Variants in IL32 observed in about 807,000 individuals in gnomAD.
The protein encoded by IL32 is interleukin 32, also known as interleukin-32.
A neutral mutation model predicts 16.6 loss-of-function variants in IL32; 30 were observed. That is an observed-to-expected ratio of 1.81 (90% CI 1.35 to 2.45). The LOEUF is 2.45. Ranked by LOEUF, IL32 falls within the 30% of genes most tolerant of loss-of-function variation. IL32 has a pLI of 0.00. For synonymous variants in IL32, 70 were observed against 86.1 expected, an observed-to-expected ratio of 0.81 and a Z score of 1.03; for missense variants, 234 against 229.8, an observed-to-expected ratio of 1.02 and a Z score of -0.12.
chr16:3,067,679 G>A (rs774315939), intron 4 of IL32, 66 bp downstream of exon 4: 66 of 1,229,722 alleles, frequency 5.4e-5, no homozygotes, highest in Admixed American at 1.9e-4. Flanking sequence ...ACCCTGTGTG[G>A]GGCTCAGGGT....
chr16:3,067,400 G>C lies in IL32; in HGVS notation c.39G>C (p.Lys13Asn). The C allele has an allele frequency of 6.4e-7, 1 of 1,564,024 alleles. No individual in the cohort carries two copies. Among genetic ancestry groups the C allele is most frequent in the South Asian group, 1.2e-5 (1 of 84,230 alleles). ...FPKVLSDDMKKLKARMHQAIE... is the reference protein window; with the variant it reads ...FPKVLSDDMKNLKARMHQAIE... Reference sequence around the variant, plus strand: ...AGGTCCTCTCTGATGACATGAAGAAGCTGAAGGCCCGAATGGTAATGCTCC... The same window carrying C: ...AGGTCCTCTCTGATGACATGAAGAACCTGAAGGCCCGAATGGTAATGCTCC... Residue 13 changes from lysine to asparagine, a missense_variant, in exon 3 of 7, where the codon AAG becomes AAC. Coordinates refer to ENST00000525643, the MANE Select transcript of IL32 (RefSeq NM_001376923.1).
chr16:3,067,271 C>CTGTGTGTGTGTGTG (rs60859102), intron 2 of IL32, 106 bp from the exon 3 acceptor site: 9,983 of 600,536 alleles, frequency 0.017, 65 homozygotes, highest in Middle Eastern at 0.028. Flanking sequence ...CCATGTGTCT[C>CTGTGTGTGTGTGTG]TGTGTGTGTG....
Position 3,067,377 on chromosome 16 carries a change from G to A in IL32, c.16G>A (p.Val6Ile), listed in dbSNP as rs114354531. Residue 6 changes from valine to isoleucine, a missense_variant and splice_region_variant, in exon 3 of 7, where the codon GTC (valine) becomes ATC (isoleucine). This residue lies in a region of IL32 where 137 missense variants were observed against 80.7 expected (regional missense o/e 1.70). Transcript: ENST00000525643. MCFPK[V>I]LSDDMKKLKA... is the part of the protein sequence containing the mutation. The stretch of plus-strand genomic sequence containing the variant: ...CTGAGTGTCACCGTTATTTCCGCAG[G>A]TCCTCTCTGATGACATGAAGAAGCT... 2,060 of 1,538,538 alleles carry A rather than the reference G, an allele frequency of 1.3e-3. 30 individuals are homozygous for A. In the African/African-American group the frequency reaches 0.025, roughly 19 times the overall value.
At position 3,065,843 on chromosome 16, in the gene IL32, G is replaced by A. The variant is rs374370998; in HGVS notation, c.15+17G>A. 72 of 1,614,052 alleles carry A rather than the reference G, an allele frequency of 4.5e-5. No homozygotes were observed. Among genetic ancestry groups the A allele is most frequent in the African/African-American group, 2.0e-4 (15 of 75,054 alleles). ...TTCCCGAAGGTGAGTGAGAGGCTGC[G>A]TGTGCTTTTGTGGGCATGTCTGAAA... On this transcript the variant is annotated intron_variant, in intron 2 of 6. Transcript: ENST00000525643.
rs1192560398 is a variant in IL32 at position 3,067,980 on chromosome 16, A to C, written c.115-4A>C. On this transcript the variant is annotated splice_polypyrimidine_tract_variant and splice_region_variant and intron_variant, in intron 4 of 6. Coordinates refer to ENST00000525643, the MANE Select transcript of IL32 (RefSeq NM_001376923.1). ...CCTGGAACCGAGTGCTTTGTTCCTA[A>C]CAGGTGATGTCGAGCCTGGCAGAGC... 6.2e-7 allele frequency: 1 copy of C among 1,614,086 alleles called. No homozygotes were observed. Among genetic ancestry groups the C allele is most frequent in the East Asian group, 2.2e-5 (1 of 44,864 alleles).
chr16:3,068,142 A>C, intron 5 of IL32, 38 bp from the exon 6 acceptor site: 1 of 1,603,834 alleles, frequency 6.2e-7, no homozygotes, highest in Non-Finnish European at 8.5e-7. Context: ...GGGGGCAGGC[A>C]GGAGCAGCAT....
intron 3 of IL32, 50 bp from the exon 4 acceptor site, chr16:3,067,504 G>C: frequency 3.1e-6 from 5 of 1,614,008 alleles, no homozygotes; most frequent in Non-Finnish European, 4.2e-6. Context: ...CTGGGACCCT[G>C]GAGGGACAAG....
At position 3,067,159 on chromosome 16, in the gene IL32, G is replaced by T. The variant is rs1956432379; in HGVS notation, c.16-218G>T. 2.0e-5 allele frequency among the ~76,000 whole-genome samples: 3 copies of T among 152,092 alleles called. No individual in the cohort carries two copies. The South Asian group carries it at 6.2e-4, about 32-fold the overall frequency. On this transcript the variant is annotated intron_variant, in intron 2 of 6. Transcript: ENST00000525643. ...GGCCTGCCCAGCTGAGCCGGCTCCTGAGAGAAGCGCTTTCTGAGTCGTTTC... is the reference window on the plus strand; with the variant it reads ...GGCCTGCCCAGCTGAGCCGGCTCCTTAGAGAAGCGCTTTCTGAGTCGTTTC...
chr16:3,068,161 T>G lies in IL32; in HGVS notation c.142-19T>G, dbSNP rs765731790. 1.2e-6 allele frequency: 2 copies of G among 1,603,944 alleles called. No homozygotes were observed. Among genetic ancestry groups the G allele is most frequent in the African/African-American group, 2.7e-5 (2 of 74,658 alleles). On this transcript the variant is annotated intron_variant, in intron 5 of 6. Coordinates refer to ENST00000525643, the MANE Select transcript of IL32 (RefSeq NM_001376923.1). ...GCAGGCAGGAGCAGCATGAACCCCC[T>G]GTGCCCTCCTCTCCCCAGGACGACT...
In IL32 at chr16:3,068,016, C is replaced by T. The variant is rs1431074695; in HGVS notation, c.141+6C>T. ...CGAGCCTGGCAGAGCTGGAGGTGAG[C>T]CGTGGCCTCCCCCTCCACCAAGCTT... On this transcript the variant is annotated splice_donor_region_variant and intron_variant, in intron 5 of 6. Coordinates refer to ENST00000525643, the MANE Select transcript of IL32 (RefSeq NM_001376923.1). 1.9e-6 allele frequency: 3 copies of T among 1,613,882 alleles called. No homozygotes were observed. Among genetic ancestry groups the T allele is most frequent in the Non-Finnish European group, 2.5e-6 (3 of 1,179,818 alleles).
At chr16:3,068,535 A>C (rs2283468) in intron 6 of IL32, 247,315 of 440,128 alleles carry the variant, frequency 0.56, 72,537 homozygotes, top group Non-Finnish European at 0.63. Context: ...CTGGTCTTGA[A>C]CTCCTAACCT....
At chr16:3,068,110 CCAGTGGGGGCCA>C in intron 5 of IL32, 58 bp from the exon 6 acceptor site, 1 of 1,600,826 alleles carries the variant, frequency 6.2e-7, no homozygotes, top group Non-Finnish European at 8.6e-7. Flanking sequence ...ATCACCTGGA[CCAGTGGGGGCCA>C]CAGTGGGAAG....
At chr16:3,067,939 G>T in intron 4 of IL32, 45 bp from the exon 5 acceptor site, 1 of 1,610,716 alleles carries the variant, frequency 6.2e-7, no homozygotes, top group Non-Finnish European at 8.5e-7. Context: ...GATGTGGGGT[G>T]CAGAGGAGGC....
intron 6 of IL32, chr16:3,068,475 T>G: frequency 1.9e-6 from 1 of 538,726 alleles, no homozygotes; most frequent in Non-Finnish European, 3.3e-6. Context: ...CAGGCTGATT[T>G]TTTTTGTGTG....
chr16:3,067,291 G>GTGTT (rs1031232824), intron 2 of IL32, 86 bp from the exon 3 acceptor site: 2 of 663,940 alleles, frequency 3.0e-6, no homozygotes, highest in African/African-American at 3.6e-5. Context: ...GTGTGTGTGT[G>GTGTT]TGTGTGTGTG....
Position 3,068,852 on chromosome 16 carries a change from C to T in IL32, c.202-138C>T, listed in dbSNP as rs111283867. 5.6e-4 allele frequency: 780 copies of T among 1,389,468 alleles called. 6 individuals are homozygous for T. In the African/African-American group the frequency reaches 8.0e-3, roughly 14 times the overall value. The allele number at this position is 1,389,468 out of a possible 1,614,324, so 86.1% of individuals were successfully genotyped here. Reference sequence around the variant, plus strand: ...CTCTGGGAAAAGTCCCTCTTGCCCACGGGGCTGTGGTTGGGAAACCAACAC... The same window carrying T: ...CTCTGGGAAAAGTCCCTCTTGCCCATGGGGCTGTGGTTGGGAAACCAACAC... On this transcript the variant is annotated intron_variant, in intron 6 of 6. Coordinates refer to ENST00000525643, the MANE Select transcript of IL32 (RefSeq NM_001376923.1).
chr16:3,067,163 G>C (rs1484394609), intron 2 of IL32, among the ~76,000 whole-genome samples: 1 of 152,142 alleles, frequency 6.6e-6, no homozygotes, highest in Non-Finnish European at 1.5e-5. Context: ...GCTCCTGAGA[G>C]AAGCGCTTTC....
At chr16:3,068,754 G>C (rs1301823884) in intron 6 of IL32, 3 of 613,636 alleles carry the variant, frequency 4.9e-6, no homozygotes, top group Non-Finnish European at 8.3e-6. Flanking sequence ...GGCACGATGA[G>C]GGCCCTGACC....
intron 6 of IL32, chr16:3,068,488 T>C: frequency 1.9e-6 from 1 of 516,536 alleles, no homozygotes; most frequent in South Asian, 2.1e-5. Flanking sequence ...TTTGTGTGTG[T>C]TTTTAGTAGA....
Sources: gnomAD v4.1 joint callset for allele counts (sites outside exome capture counted in the v4.1 genomes callset) on GRCh38, gnomAD v4.1.1 for gene constraint, gnomAD v4.1.1 regional missense constraint, MANE v1.5 for transcripts, NCBI Gene and HGNC (gene_info 2026-07-23, HGNC 2026-07-21) for gene names.